CLIP1: variants seen among roughly 807,000 people sequenced by gnomAD.
The protein encoded by CLIP1 is CAP-Gly domain containing linker protein 1.
CLIP1 carries 66 observed loss-of-function variants against 161.6 expected under a neutral mutation model. The observed-to-expected ratio is 0.41, with a 90% CI of 0.33 to 0.50. The LOEUF (loss-of-function observed/expected upper bound fraction) is 0.50, where lower values mean the gene tolerates loss of function less well. Ranked by LOEUF, CLIP1 falls within the 20% of genes least tolerant of loss-of-function variation. CLIP1 has a pLI of 0.27. For missense variants in CLIP1, 1,376 were observed against 1,702.0 expected (o/e 0.81, Z 3.37); for synonymous variants, 598 against 626.2 (o/e 0.96, Z 0.67).
intron 19 of CLIP1, among the ~76,000 whole-genome samples, chr12:122,310,624 A>G (rs909333939): frequency 2.6e-5 from 4 of 152,248 alleles, no homozygotes; most frequent in Non-Finnish European, 4.4e-5. Flanking sequence ...AAATAATCCA[A>G]AACATACATC....
intron 1 of CLIP1, among the ~76,000 whole-genome samples, chr12:122,417,030 G>T (rs2137219027): frequency 6.6e-6 from 1 of 152,252 alleles, no homozygotes; most frequent in Admixed American, 6.5e-5. Context: ...AGGCGCAGTG[G>T]CTCATGCCTG....
chr12:122,377,154 G>GC (rs1555276826), intron 3 of CLIP1, among the ~76,000 whole-genome samples: 1 of 151,740 alleles, frequency 6.6e-6, no homozygotes, highest in Non-Finnish European at 1.5e-5. Flanking sequence ...GATTACAGGC[G>GC]CCCCCACCAA....
chr12:122,363,857 C>T, intron 4 of CLIP1, 126 bp downstream of exon 4: 5 of 1,335,506 alleles, frequency 3.7e-6, no homozygotes, highest in East Asian at 2.5e-5. Context: ...GCAGATGGGT[C>T]TTAGGAAATA....
rs1282327573 is a variant in CLIP1, at chr12:122,316,870, G to GA, written c.3367-16dup. 2 of 1,362,114 alleles carry GA rather than the reference G, an allele frequency of 1.5e-6. No homozygotes were observed. Among genetic ancestry groups the GA allele is most frequent in the Non-Finnish European group, 2.0e-6 (2 of 1,007,296 alleles). 84.4% of individuals were successfully genotyped at this position (1,362,114 alleles called of 1,614,324 possible). A position where few individuals can be genotyped will look rare whatever the true frequency, so the allele number is the denominator to read the frequency against. Reference sequence around the variant, plus strand: ...AGTGTGTCCAACTTAAAGACCAAGAGAAAAAAACTTGATGAAATTATTTCA... The same window carrying GA: ...AGTGTGTCCAACTTAAAGACCAAGAGAAAAAAAACTTGATGAAATTATTTCA... On this transcript the variant is annotated splice_polypyrimidine_tract_variant and intron_variant, in intron 18 of 25. Transcript: ENST00000620786.
chr12:122,419,581 G>T (rs926987065), intron 1 of CLIP1, among the ~76,000 whole-genome samples: 5 of 151,844 alleles, frequency 3.3e-5, no homozygotes, highest in African/African-American at 1.2e-4. Context: ...GGCCATAAGA[G>T]AATCAACTCA....
At chr12:122,345,111 T>C (rs887138290) in intron 10 of CLIP1, among the ~76,000 whole-genome samples, 14 of 151,848 alleles carry the variant, frequency 9.2e-5, no homozygotes, top group African/African-American at 3.4e-4. Context: ...ATCTCATTAG[T>C]CCATTGTATT....
Position 122,316,830 on chromosome 12 carries a change from A to G in CLIP1, c.3392T>C (p.Leu1131Ser). The change falls in exon 19 of 26, where the codon TTG becomes TCG. Residue 1131 changes from leucine to serine, a missense_variant. Leu to Ser is a moderately radical substitution (Grantham distance 145). This residue lies in a region of CLIP1 where 948 missense variants were observed against 1,134.8 expected (regional missense o/e 0.84). Transcript: ENST00000620786. ...NELDTLKENN[L>S]KNVEELNKSK... ...TTTGTTCAGCTCTTCCACATTTTTC[A>G]AGTTGTTTTCTTTAAGTGTGTCCAA... is the stretch of plus-strand genomic sequence containing the variant. 6.3e-7 allele frequency: 1 copy of G among 1,587,548 alleles called. No homozygotes were observed. Among genetic ancestry groups the G allele is most frequent in the South Asian group, 1.2e-5 (1 of 83,574 alleles).
At chr12:122,419,174 C>G (rs2137237582) in intron 1 of CLIP1, among the ~76,000 whole-genome samples, 1 of 152,178 alleles carries the variant, frequency 6.6e-6, no homozygotes, top group South Asian at 2.1e-4. Flanking sequence ...AGTTGGAGAC[C>G]AGCCTGGCCA....
intron 1 of CLIP1, among the ~76,000 whole-genome samples, chr12:122,407,775 A>AG (rs1956382538): frequency 7.0e-6 from 1 of 143,096 alleles, no homozygotes; most frequent in East Asian, 2.2e-4. Context: ...AAAAAAAAAG[A>AG]ATTGATTTCC....
At chr12:122,354,813 A>C in intron 6 of CLIP1, 1 of 575,076 alleles carries the variant, frequency 1.7e-6, no homozygotes, top group Non-Finnish European at 3.1e-6. Context: ...TAATCCACAA[A>C]CAGCAGCTAT....
chr12:122,272,957 C>T lies in CLIP1; in HGVS notation c.4235G>A (p.Arg1412Gln), dbSNP rs779798650. ...DPPHSTHHGS[R>Q]GEERPYCEIC... Reference sequence around the variant, plus strand: ...TTCACAGTATGGGCGTTCCTCACCCCGACTGCCATGGTGTGTGGAATGGGG... The same window carrying T: ...TTCACAGTATGGGCGTTCCTCACCCTGACTGCCATGGTGTGTGGAATGGGG... The change falls in exon 26 of 26, where the codon CGG becomes CAG. Residue 1412 changes from arginine to glutamine, a missense_variant. This residue lies in a region of CLIP1 where 948 missense variants were observed against 1,134.8 expected (regional missense o/e 0.84). Transcript: ENST00000620786. 8 of 1,614,146 alleles carry T rather than the reference C, an allele frequency of 5.0e-6. No homozygotes were observed. Among genetic ancestry groups the T allele is most frequent in the Non-Finnish European group, 5.1e-6 (6 of 1,180,046 alleles).
chr12:122,400,018 G>A (rs934787633), intron 1 of CLIP1: 2 of 152,030 alleles, frequency 1.3e-5, no homozygotes, highest in Non-Finnish European at 2.9e-5. Flanking sequence ...GCTTAATCCT[G>A]TCCCCTGAAG....
chr12:122,339,336 G>A (rs1952384071), intron 11 of CLIP1, among the ~76,000 whole-genome samples: 1 of 129,512 alleles, frequency 7.7e-6, no homozygotes, highest in Non-Finnish European at 1.5e-5. Flanking sequence ...ATCACAGCAT[G>A]GGTTTTTTTT....
Position 122,334,650 on chromosome 12 carries a change from T to C in CLIP1, c.2624A>G (p.Gln875Arg). ...EEAVSVQRSM[Q>R]ETVNKLHQKE... ...GCACACGCTCTGGTAAGACATACCT[T>C]GCATACTTCTCTGAACAGAGACTGC... is the stretch of plus-strand genomic sequence containing the variant. The change falls in exon 13 of 26, where the codon CAA becomes CGA. Residue 875 changes from glutamine to arginine, a missense_variant and splice_region_variant. This residue lies in a region of CLIP1 where 948 missense variants were observed against 1,134.8 expected (regional missense o/e 0.84). Coordinates refer to ENST00000620786, the MANE Select transcript of CLIP1 (RefSeq NM_001247997.2). 1.3e-6 allele frequency: 2 copies of C among 1,582,540 alleles called. No individual in the cohort carries two copies. Among genetic ancestry groups the C allele is most frequent in the Non-Finnish European group, 1.7e-6 (2 of 1,160,518 alleles).
At chr12:122,414,698 T>C (rs1956664019) in intron 1 of CLIP1, among the ~76,000 whole-genome samples, 1 of 151,686 alleles carries the variant, frequency 6.6e-6, no homozygotes, top group Non-Finnish European at 1.5e-5. Context: ...TCTCTTGACC[T>C]TGTGATGCAC....
At chr12:122,313,485 G>C (rs1478532947) in intron 19 of CLIP1, among the ~76,000 whole-genome samples, 6 of 152,170 alleles carry the variant, frequency 3.9e-5, no homozygotes, top group Admixed American at 1.3e-4. Flanking sequence ...CCAGTACTTT[G>C]GGAGGCCGAG....
intron 20 of CLIP1, among the ~76,000 whole-genome samples, chr12:122,288,808 CTTTTTTTTT>C (rs200069106): frequency 8.7e-6 from 1 of 114,452 alleles, no homozygotes; most frequent in Non-Finnish European, 1.7e-5. Context: ...CGAAGCACAT[CTTTTTTTTT>C]TTTTTTTTTT....
At chr12:122,331,037 G>A (rs1386205942) in intron 15 of CLIP1, among the ~76,000 whole-genome samples, 4 of 149,014 alleles carry the variant, frequency 2.7e-5, no homozygotes, top group East Asian at 2.0e-4. Context: ...TTTTTGAGAC[G>A]GAGTTTCACT....
chr12:122,413,514 T>A (rs954674086), intron 1 of CLIP1, among the ~76,000 whole-genome samples: 1 of 152,180 alleles, frequency 6.6e-6, no homozygotes, highest in Admixed American at 6.6e-5. Context: ...ATCCAAATCA[T>A]ACTTAGACAT....
Sources: allele counts gnomAD v4.1 joint callset (sites outside exome capture counted in the v4.1 genomes callset), GRCh38; gene constraint gnomAD v4.1.1; regional missense constraint gnomAD v4.1.1; transcripts MANE v1.5; gene names NCBI Gene and HGNC (gene_info 2026-07-23, HGNC 2026-07-21).